Variants in PRKD1 observed in about 807,000 individuals in gnomAD.
PRKD1 encodes protein kinase D1.
In PRKD1, 63 loss-of-function variants were observed where a neutral mutation model predicts 95.9. That is an observed-to-expected ratio of 0.66 (90% CI 0.54 to 0.81). The LOEUF is 0.81. Ranked by LOEUF, PRKD1 falls within the 30% of genes least tolerant of loss-of-function variation. The pLI, the probability that PRKD1 is intolerant of heterozygous loss-of-function variation, is 0.00. For synonymous variants in PRKD1, 425 were observed against 423.1 expected (o/e 1.00, Z -0.05); for missense variants, 1,048 against 1,165.3 (o/e 0.90, Z 1.47).
At chr14:29,687,799 A>G (rs1883970414) in intron 2 of PRKD1, among the ~76,000 whole-genome samples, 1 of 152,228 alleles carries the variant, frequency 6.6e-6, no homozygotes, top group South Asian at 2.1e-4. Context: ...TCTAGTGCTC[A>G]ATATCTGTCA....
At chr14:29,890,926 T>TGAA (rs1322860373) in intron 1 of PRKD1, among the ~76,000 whole-genome samples, 3 of 152,044 alleles carry the variant, frequency 2.0e-5, no homozygotes, top group African/African-American at 7.2e-5. Context: ...TTGAAAATTC[T>TGAA]ATCTATCACC....
intron 1 of PRKD1, among the ~76,000 whole-genome samples, chr14:29,771,948 C>T (rs1296008976): frequency 1.3e-5 from 2 of 152,346 alleles, no homozygotes; most frequent in East Asian, 1.9e-4. Context: ...ATATCTACCC[C>T]GTGTCTGTTC....
rs1361837836 is a variant in PRKD1, at chr14:29,725,553, A to G, written c.386T>C (p.Ile129Thr). The change falls in exon 2 of 18, where the codon ATT becomes ACT. Residue 129 changes from isoleucine (I) to threonine (T), a missense_variant. Ile to Thr is a moderately conservative substitution (Grantham distance 89). Coordinates refer to ENST00000331968, the MANE Select transcript of PRKD1 (RefSeq NM_002742.3). ...TATACTACCTGACAAGACCACTTCA[A>G]TAAGATCGCCTTCCTGGATATCACT... ...AASDIQEGDL[I>T]EVVLSASATF... 6 of 1,613,718 alleles carry G rather than the reference A, an allele frequency of 3.7e-6. No individual in the cohort carries two copies. The highest frequency in any genetic ancestry group is 2.2e-5 in the South Asian group (2 of 91,060).
chr14:29,687,544 CT>C (rs1237795496), intron 2 of PRKD1, among the ~76,000 whole-genome samples: 1 of 152,194 alleles, frequency 6.6e-6, no homozygotes, highest in Non-Finnish European at 1.5e-5. Flanking sequence ...GAGTTAGGCC[CT>C]TGATTGTCTG....
intron 1 of PRKD1, among the ~76,000 whole-genome samples, chr14:29,756,691 A>T (rs944688557): frequency 6.6e-6 from 1 of 152,174 alleles, no homozygotes; most frequent in Non-Finnish European, 1.5e-5. Flanking sequence ...TCCACAGCAG[A>T]CTAGGGGCTT....
chr14:29,616,243 C>CAAAAAAAAA lies in PRKD1; in HGVS notation c.1905+7900_1905+7908dup, dbSNP rs72142312. On this transcript the variant is annotated intron_variant, in intron 13 of 17. Transcript: ENST00000331968. ...GAGCCTTAGAAATCAAGAGTATGGC[C>CAAAAAAAAA]AAAAAAAAAAAAAAAAAAAAAAGCC... 8.8e-5 allele frequency among the ~76,000 whole-genome samples: 3 copies of CAAAAAAAAA among 33,966 alleles called. 1 individual carries two copies. Among genetic ancestry groups the CAAAAAAAAA allele is most frequent in the African/African-American group, 2.6e-4 (2 of 7,838 alleles). The allele number at this position is 33,966 out of a possible 152,430, so 22.3% of individuals were successfully genotyped here.
intron 1 of PRKD1, among the ~76,000 whole-genome samples, chr14:29,788,162 T>C (rs1190817585): frequency 1.3e-5 from 2 of 152,210 alleles, no homozygotes; most frequent in Non-Finnish European, 2.9e-5. Context: ...ATTTCTCCTA[T>C]ATTTTTGAAG....
At chr14:29,857,834 A>T (rs1281875978) in intron 1 of PRKD1, among the ~76,000 whole-genome samples, 3 of 152,202 alleles carry the variant, frequency 2.0e-5, no homozygotes, top group Non-Finnish European at 4.4e-5. Flanking sequence ...TAGCTTATTT[A>T]AAAATCTCCC....
At position 29,649,524 on chromosome 14, in the gene PRKD1, G is replaced by A. The variant is rs371058465; in HGVS notation, c.697-10620C>T. 1.2e-3 allele frequency among the ~76,000 whole-genome samples: 176 copies of A among 151,686 alleles called. 3 individuals carry two copies. The South Asian group carries it at 0.034, about 30-fold the overall frequency. On this transcript the variant is annotated intron_variant, in intron 4 of 17. Transcript: ENST00000331968. ...TTGATTTTTTTTTGGCTCGAGCTGC[G>A]AGAGTTTGTAATAAGCTGTTAAACA...
At chr14:29,620,335 T>C (rs570613413) in intron 13 of PRKD1, among the ~76,000 whole-genome samples, 7 of 151,336 alleles carry the variant, frequency 4.6e-5, no homozygotes, top group African/African-American at 1.7e-4. Flanking sequence ...GGGATATAAT[T>C]AAACTCAAGA....
intron 1 of PRKD1, among the ~76,000 whole-genome samples, chr14:29,826,686 C>CACATATATATAT (rs1208988479): frequency 0.077 from 2,638 of 34,076 alleles, 337 homozygotes; most frequent in Non-Finnish European, 0.099. Flanking sequence ...TATATATATA[C>CACATATATATAT]ACACATATAT....
intron 1 of PRKD1, among the ~76,000 whole-genome samples, chr14:29,747,584 T>C (rs1429168201): frequency 6.6e-6 from 1 of 152,102 alleles, no homozygotes; most frequent in Non-Finnish European, 1.5e-5. Context: ...AAGTAAATTA[T>C]GGTATATACA....
intron 1 of PRKD1, among the ~76,000 whole-genome samples, chr14:29,754,030 T>C (rs181542252): frequency 6.6e-6 from 1 of 152,198 alleles, no homozygotes; most frequent in Non-Finnish European, 1.5e-5. Context: ...GGCAACAGTT[T>C]ACACTTTTAC....
At chr14:29,861,608 C>T (rs766944976) in intron 1 of PRKD1, among the ~76,000 whole-genome samples, 4 of 152,042 alleles carry the variant, frequency 2.6e-5, no homozygotes, top group Non-Finnish European at 4.4e-5. Context: ...TGACTATAGT[C>T]ACCCTGTCAT....
At chr14:29,790,565 T>C (rs1329947228) in intron 1 of PRKD1, among the ~76,000 whole-genome samples, 2 of 152,172 alleles carry the variant, frequency 1.3e-5, no homozygotes, top group Non-Finnish European at 2.9e-5. Context: ...CATCATGATT[T>C]CCCAATGTCT....
At chr14:29,841,751 C>T (rs1422537402) in intron 1 of PRKD1, among the ~76,000 whole-genome samples, 1 of 151,892 alleles carries the variant, frequency 6.6e-6, no homozygotes, top group East Asian at 1.9e-4. Flanking sequence ...TAAATTTTTT[C>T]TTTCTTCAAT....
Position 29,840,824 on chromosome 14 carries a change from C to T in PRKD1, c.264+86425G>A, listed in dbSNP as rs201071565. 2.0e-4 allele frequency among the ~76,000 whole-genome samples: 30 copies of T among 152,270 alleles called. No homozygotes were observed. In the East Asian group the frequency reaches 3.9e-3, roughly 20 times the overall value. The stretch of plus-strand genomic sequence containing the variant: ...CCCACTCACTATGACGAGAACAGCA[C>T]GGGAAAGACCTGACCCCATGATTCA... On this transcript the variant is annotated intron_variant, in intron 1 of 17. Transcript: ENST00000331968.
chr14:29,668,393 C>T (rs1171367240), intron 2 of PRKD1, among the ~76,000 whole-genome samples: 2 of 152,112 alleles, frequency 1.3e-5, no homozygotes, highest in Non-Finnish European at 1.5e-5. Context: ...AATCAGCCAA[C>T]CTAAATTAAA....
intron 11 of PRKD1, 74 bp from the exon 12 acceptor site, chr14:29,626,630 T>A: frequency 1.3e-6 from 1 of 743,374 alleles, no homozygotes; most frequent in South Asian, 3.2e-5. Context: ...AATATAATTC[T>A]ATTAAATATA....
Sources: allele counts gnomAD v4.1 joint callset (sites outside exome capture counted in the v4.1 genomes callset), GRCh38; gene constraint gnomAD v4.1.1; transcripts MANE v1.5; gene names NCBI Gene and HGNC (gene_info 2026-07-23, HGNC 2026-07-21).